TTC6: variants seen among roughly 807,000 people sequenced by gnomAD.
TTC6 encodes the protein tetratricopeptide repeat protein 6.
Under a neutral mutation model 210.4 loss-of-function variants are expected in TTC6, and 172 were observed. That is an observed-to-expected ratio of 0.82 (90% CI 0.72 to 0.93). The LOEUF (loss-of-function observed/expected upper bound fraction) is 0.93. Among genes scored for constraint, TTC6 ranks in the 40% least tolerant of loss-of-function variants. The probability of loss-of-function intolerance (pLI) is 0.00; values close to 1 mark genes in which losing one functional copy is unlikely to be tolerated. For missense variants in TTC6, 2,414 were observed against 2,318.1 expected, an observed-to-expected ratio of 1.04 and a Z score of -0.85; for synonymous variants, 804 against 819.6, an observed-to-expected ratio of 0.98 and a Z score of 0.32.
Position 37,696,629 on chromosome 14 carries a change from A to T in TTC6, c.1258-88A>T, listed in dbSNP as rs957729065. 5.6e-6 allele frequency: 3 copies of T among 540,282 alleles called. No homozygotes were observed. The African/African-American group carries it at 5.9e-5, about 11-fold the overall frequency. 33.5% of individuals were successfully genotyped at this position (540,282 alleles called of 1,614,324 possible). A position where few individuals can be genotyped will look rare whatever the true frequency, so the allele number is the denominator to read the frequency against. On this transcript the variant is annotated intron_variant, in intron 3 of 30. Coordinates refer to ENST00000553443, the Ensembl canonical transcript of TTC6. ...CATATACATAGAAATCTGGAGTTTA[A>T]ATATTAGGTGACTCGCTAAATATGA...
At chr14:37,602,110 T>C (rs992042573) in intron 1 of TTC6, among the ~76,000 whole-genome samples, 1 of 152,240 alleles carries the variant, frequency 6.6e-6, no homozygotes, top group African/African-American at 2.4e-5. Flanking sequence ...GCCCCTGCTC[T>C]TGGGGGCGCC....
chr14:37,606,508 G>C (rs571124549), intron 1 of TTC6, among the ~76,000 whole-genome samples, 155 bp from the exon 2 acceptor site: 2 of 152,192 alleles, frequency 1.3e-5, no homozygotes, highest in African/African-American at 4.8e-5. Flanking sequence ...CTCTTCCACA[G>C]CTTCAGCTCT....
intron 1 of TTC6, among the ~76,000 whole-genome samples, chr14:37,663,519 A>T (rs2095741640): frequency 6.6e-6 from 1 of 152,144 alleles, no homozygotes; most frequent in Admixed American, 6.6e-5. Context: ...ATGATAAGTT[A>T]TCAAGATTTG....
chr14:37,630,299 C>T (rs555982580), intron 1 of TTC6, among the ~76,000 whole-genome samples: 4 of 152,174 alleles, frequency 2.6e-5, no homozygotes, highest in East Asian at 1.9e-4. Flanking sequence ...TCATTAGTTT[C>T]GAAGAACTTA....
intron 1 of TTC6, among the ~76,000 whole-genome samples, chr14:37,651,419 ATATATATTTTTTTTTTTTTTT>A (rs1190532773): frequency 9.7e-5 from 2 of 20,716 alleles, no homozygotes; most frequent in East Asian, 1.5e-3. Flanking sequence ...ATATATATAT[ATATATATTTTTTTTTTTTTTT>A]TTTTTTTTTT....
chr14:37,684,369 AC>A (rs545961331), intron 3 of TTC6, among the ~76,000 whole-genome samples: 101 of 152,244 alleles, frequency 6.6e-4, no homozygotes, highest in African/African-American at 2.3e-3. Context: ...GTAATAGTTG[AC>A]CAGAGGAAAT....
chr14:37,816,129 A>G (rs2096141113), intron 25 of TTC6, among the ~76,000 whole-genome samples: 1 of 152,024 alleles, frequency 6.6e-6, no homozygotes, highest in African/African-American at 2.4e-5. Flanking sequence ...ACAATAATTA[A>G]AAAAATTTTC....
chr14:37,623,244 C>G (rs2095654839), intron 1 of TTC6, among the ~76,000 whole-genome samples: 1 of 152,212 alleles, frequency 6.6e-6, no homozygotes, highest in African/African-American at 2.4e-5. Context: ...ATCCCAGAAA[C>G]TGGTTCAGAG....
chr14:37,619,056 A>G (rs759791472), upstream of TTC6, among the ~76,000 whole-genome samples: 1 of 152,174 alleles, frequency 6.6e-6, no homozygotes, highest in Non-Finnish European at 1.5e-5. Flanking sequence ...AAGAGCCAAA[A>G]TACTATGCGG....
chr14:37,725,248 T>C (rs2095869308), intron 7 of TTC6, among the ~76,000 whole-genome samples: 1 of 145,200 alleles, frequency 6.9e-6, no homozygotes, highest in African/African-American at 2.5e-5. Flanking sequence ...TGTGTGTGTG[T>C]ATATATATAC....
Position 37,654,873 on chromosome 14 carries a change from CTG to C in TTC6, c.940-25275_940-25274del, listed in dbSNP as rs530106136. Among the ~76,000 whole-genome samples the C allele has an allele frequency of 6.5e-4, 99 of 152,232 alleles. No homozygotes were observed. In the East Asian group the frequency reaches 8.1e-3, roughly 12 times the overall value. ...AGTCAGGTATTTGAATCTTTGAAAA[CTG>C]TGGTTTTCTAATGCACAAGGAATGA... On this transcript the variant is annotated intron_variant, in intron 1 of 30. Coordinates refer to ENST00000553443, the Ensembl canonical transcript of TTC6.
At chr14:37,808,422 A>T (rs2096123106) in intron 23 of TTC6, among the ~76,000 whole-genome samples, 1 of 152,126 alleles carries the variant, frequency 6.6e-6, no homozygotes, top group Non-Finnish European at 1.5e-5. Context: ...GCTTTATTTT[A>T]TTTTACCTAG....
intron 24 of TTC6, among the ~76,000 whole-genome samples, chr14:37,809,257 T>A (rs2096124784): frequency 6.8e-6 from 1 of 146,466 alleles, no homozygotes; most frequent in East Asian, 2.0e-4. Flanking sequence ...ATTTTTTTTT[T>A]TTTTTTTTTT....
At chr14:37,780,993 GT>G (rs2096053235) in intron 14 of TTC6, among the ~76,000 whole-genome samples, 1 of 152,164 alleles carries the variant, frequency 6.6e-6, no homozygotes, top group Non-Finnish European at 1.5e-5. Context: ...ATTCCATGGT[GT>G]ATATGTGCCA....
At chr14:37,780,121 A>C (rs957758734) in intron 14 of TTC6, among the ~76,000 whole-genome samples, 5 of 152,232 alleles carry the variant, frequency 3.3e-5, no homozygotes, top group African/African-American at 1.2e-4. Context: ...TAAAATTTTA[A>C]GTTCAGAAAC....
intron 5 of TTC6, among the ~76,000 whole-genome samples, chr14:37,709,472 A>G (rs2095840971): frequency 6.6e-6 from 1 of 152,094 alleles, no homozygotes. Flanking sequence ...TGCACTATCA[A>G]TGTCTGTTAA....
intron 14 of TTC6, among the ~76,000 whole-genome samples, chr14:37,772,877 C>G (rs757509657): frequency 1.3e-5 from 2 of 152,182 alleles, no homozygotes; most frequent in African/African-American, 4.8e-5. Context: ...TCCCCACTAG[C>G]AGTCTATAAG....
intron 22 of TTC6, 97 bp downstream of exon 24, chr14:37,806,607 GT>G: frequency 8.5e-7 from 1 of 1,178,814 alleles, no homozygotes; most frequent in Non-Finnish European, 1.1e-6. Context: ...CCAACAATCA[GT>G]TTCTTATACC....
Position 37,668,291 on chromosome 14 carries a change from G to A in TTC6, c.940-11860G>A, listed in dbSNP as rs530270715. Among the ~76,000 whole-genome samples, 16 of 150,310 alleles carry A rather than the reference G, an allele frequency of 1.1e-4. 2 individuals are homozygous for A. The highest frequency in any genetic ancestry group is 1.8e-4 in the Non-Finnish European group (12 of 67,028). On this transcript the variant is annotated intron_variant, in intron 1 of 30. Transcript: ENST00000553443. ...TCACCAGTTGTATCAGTCAGTTAAT[G>A]CTATGTAACAAACTCTCAAAACTAA...
Sources: gnomAD v4.1 joint callset for allele counts (sites outside exome capture counted in the v4.1 genomes callset) on GRCh38, gnomAD v4.1.1 for gene constraint, MANE v1.5 for transcripts, NCBI Gene and HGNC (gene_info 2026-07-23, HGNC 2026-07-21) for gene names.